TTLL11: variants seen among roughly 807,000 people sequenced by gnomAD.
The protein encoded by TTLL11 is tubulin polyglutamylase TTLL11.
TTLL11 carries 42 observed loss-of-function variants against 51.7 expected under a neutral mutation model. The observed-to-expected ratio is 0.81, with a 90% CI of 0.64 to 1.05. The LOEUF (loss-of-function observed/expected upper bound fraction) is 1.05, where lower values mean the gene tolerates loss of function less well. TTLL11 is among the 50% of genes least tolerant of loss of function. The pLI is 0.00. For synonymous variants in TTLL11, 381 were observed against 383.5 expected (o/e 0.99, Z 0.08); for missense variants, 799 against 940.4 (o/e 0.85, Z 1.97).
chr9:121,866,709 C>T (rs1348134611), intron 7 of TTLL11, among the ~76,000 whole-genome samples: 6 of 151,582 alleles, frequency 4.0e-5, no homozygotes, highest in East Asian at 1.9e-4. Flanking sequence ...ACCTGTTAAT[C>T]GTTGTGCAAT....
intron 2 of TTLL11, among the ~76,000 whole-genome samples, chr9:122,034,092 C>T (rs1844633907): frequency 6.6e-6 from 1 of 152,206 alleles, no homozygotes; most frequent in Non-Finnish European, 1.5e-5. Context: ...AACTGTAATA[C>T]AGCACCTTAC....
At position 121,822,396 on chromosome 9, in the gene TTLL11, GA is replaced by G. The variant is rs2119099956; in HGVS notation, c.*190del. Reference sequence around the variant, plus strand: ...AACAGGGTGTATCACCAGGAGGTGTGAGGAGGAAGGCAGGTGAGAACCAGCC... The same window carrying G: ...AACAGGGTGTATCACCAGGAGGTGTGGGAGGAAGGCAGGTGAGAACCAGCC... On this transcript the variant is annotated 3_prime_UTR_variant, in exon 9 of 9. Transcript: ENST00000321582. The surrounding 1 kb of genome is among the most constrained non-coding windows in gnomAD (Gnocchi z 5.8). 1 of 474,134 alleles carries G rather than the reference GA, an allele frequency of 2.1e-6. No homozygotes were observed. The highest frequency in any genetic ancestry group is 3.7e-6 in the Non-Finnish European group (1 of 270,798). 29.4% of individuals were successfully genotyped at this position (474,134 alleles called of 1,614,324 possible).
intron 6 of TTLL11, among the ~76,000 whole-genome samples, chr9:121,907,396 G>A (rs1588115577): frequency 1.3e-5 from 2 of 151,452 alleles, no homozygotes; most frequent in South Asian, 4.2e-4. Context: ...GTTGCAGTGA[G>A]CTGAAATCAT....
intron 1 of TTLL11, among the ~76,000 whole-genome samples, chr9:122,077,609 C>T (rs960268964): frequency 6.6e-6 from 1 of 151,664 alleles, no homozygotes; most frequent in Admixed American, 6.6e-5. Context: ...AAAATCAGGG[C>T]TATAAAATTT....
intron 8 of TTLL11, among the ~76,000 whole-genome samples, chr9:121,838,765 CAAGCAAGCAAGCAAGA>C (rs778470598): frequency 0.018 from 2,476 of 138,738 alleles, 34 homozygotes; most frequent in African/African-American, 0.051. Context: ...AGAGAGAAAG[CAAGCAAGCAAGCAAGA>C]AAGCAAGCAA....
At position 121,995,324 on chromosome 9, in the gene TTLL11, A is replaced by G. The variant is rs911958859; in HGVS notation, c.694-5554T>C. Among the ~76,000 whole-genome samples the G allele has an allele frequency of 1.3e-5, 2 of 152,196 alleles. No homozygotes were observed. Among genetic ancestry groups the G allele is most frequent in the Non-Finnish European group, 2.9e-5 (2 of 68,028 alleles). The stretch of plus-strand genomic sequence containing the variant: ...ACTGGCGAGGGACATGCATCCACGC[A>G]TCACCAGGGCACCCAGGAGGAAGAT... On this transcript the variant is annotated intron_variant, in intron 3 of 8. Coordinates refer to ENST00000321582, the MANE Select transcript of TTLL11 (RefSeq NM_001139442.2). This position sits in a 1 kb window ranked among gnomAD's most constrained non-coding sequence, Gnocchi z 4.4.
chr9:121,898,069 C>A (rs1839607895), intron 6 of TTLL11, among the ~76,000 whole-genome samples: 1 of 152,102 alleles, frequency 6.6e-6, no homozygotes, highest in African/African-American at 2.4e-5. Flanking sequence ...CAGGCACCTG[C>A]CACCACACCT....
chr9:121,893,677 G>A (rs991619349), intron 6 of TTLL11, among the ~76,000 whole-genome samples: 1 of 152,068 alleles, frequency 6.6e-6, no homozygotes, highest in African/African-American at 2.4e-5. Context: ...CCATTCCTCT[G>A]CCTGTATCTG....
At chr9:122,089,769 C>A (rs1342962524) in intron 1 of TTLL11, among the ~76,000 whole-genome samples, 1 of 152,022 alleles carries the variant, frequency 6.6e-6, no homozygotes, top group African/African-American at 2.4e-5. Context: ...CTTATTGTTG[C>A]AAGTGAATTG....
At chr9:121,975,991 G>C (rs1447163265) in intron 4 of TTLL11, among the ~76,000 whole-genome samples, 1 of 152,160 alleles carries the variant, frequency 6.6e-6, no homozygotes, top group Non-Finnish European at 1.5e-5. Context: ...TGAAACTCAG[G>C]AAGGCCAATG....
intron 8 of TTLL11, among the ~76,000 whole-genome samples, chr9:121,829,111 C>T: frequency 6.6e-6 from 1 of 151,936 alleles, no homozygotes; most frequent in East Asian, 1.9e-4. Context: ...CATCACCATG[C>T]CCAGCTAATT....
At chr9:121,919,057 CAACA>C (rs1248212091) in intron 6 of TTLL11, among the ~76,000 whole-genome samples, 8 of 152,118 alleles carry the variant, frequency 5.3e-5, no homozygotes, top group Non-Finnish European at 1.5e-5. Context: ...CATTCTATGA[CAACA>C]CACTGAGCAG....
chr9:121,951,849 T>C (rs1006853486), intron 6 of TTLL11, among the ~76,000 whole-genome samples: 2 of 152,228 alleles, frequency 1.3e-5, no homozygotes, highest in Non-Finnish European at 2.9e-5. Context: ...TATTTCTTGA[T>C]GACATGCTAA....
At chr9:121,856,858 C>T (rs1837839312) in intron 8 of TTLL11, among the ~76,000 whole-genome samples, 2 of 152,238 alleles carry the variant, frequency 1.3e-5, no homozygotes, top group Non-Finnish European at 2.9e-5. Flanking sequence ...AAAGAAGACC[C>T]TCTGGTCTTT....
intron 3 of TTLL11, among the ~76,000 whole-genome samples, chr9:122,010,902 AAGTACCTAGAG>A (rs1843774538): frequency 6.6e-6 from 1 of 152,174 alleles, no homozygotes; most frequent in Non-Finnish European, 1.5e-5. Flanking sequence ...AGTACCTGCT[AAGTACCTAGAG>A]AGGAATGCGT....
At chr9:121,862,885 G>A (rs1414275620) in intron 7 of TTLL11, among the ~76,000 whole-genome samples, 1 of 152,174 alleles carries the variant, frequency 6.6e-6, no homozygotes, top group Non-Finnish European at 1.5e-5. Flanking sequence ...GACCGGACAG[G>A]GGAGGGGTTG....
intron 1 of TTLL11, among the ~76,000 whole-genome samples, chr9:122,088,999 A>T (rs1846194616): frequency 6.7e-6 from 1 of 148,350 alleles, no homozygotes; most frequent in South Asian, 2.1e-4. Context: ...CCTGGATGAC[A>T]GAACGACACC....
intron 1 of TTLL11, among the ~76,000 whole-genome samples, chr9:122,090,539 A>G (rs1846232527): frequency 1.3e-5 from 2 of 151,904 alleles, no homozygotes; most frequent in Admixed American, 6.5e-5. Context: ...AGCACTCACA[A>G]CTCAGCTCGG....
At chr9:121,963,624 T>TCGG (rs1842307360) in intron 6 of TTLL11, 1 of 152,202 alleles carries the variant, frequency 6.6e-6, no homozygotes, top group South Asian at 2.1e-4. Context: ...GCAGAGGGGC[T>TCGG]CGGCTCCTGT....
Sources: allele counts gnomAD v4.1 joint callset (sites outside exome capture counted in the v4.1 genomes callset), GRCh38; gene constraint gnomAD v4.1.1; non-coding constraint Gnocchi (gnomAD v3.1); transcripts MANE v1.5; gene names NCBI Gene and HGNC (gene_info 2026-07-23, HGNC 2026-07-21).